Variants in CCDC3 observed in about 807,000 individuals in gnomAD.
CCDC3 encodes the protein coiled-coil domain containing 3.
Under a neutral mutation model 21.4 loss-of-function variants are expected in CCDC3, and 24 were observed. That is an observed-to-expected ratio of 1.12 (90% CI 0.81 to 1.58). CCDC3 has a LOEUF of 1.58. CCDC3 is among the 40% of genes most tolerant of loss of function. The pLI is 0.00. For synonymous variants in CCDC3, 186 were observed against 166.0 expected (o/e 1.12, Z -0.93); for missense variants, 425 against 360.9 (o/e 1.18, Z -1.44).
chr10:13,030,820 T>G (rs1218406892), intron 5 of CCDC3, among the ~76,000 whole-genome samples: 2 of 152,132 alleles, frequency 1.3e-5, no homozygotes, highest in East Asian at 3.8e-4. Context: ...ATGCACCCAA[T>G]ACAGGAGCAC....
chr10:12,974,248 G>T (rs147266097), intron 2 of CCDC3, among the ~76,000 whole-genome samples: 1 of 152,212 alleles, frequency 6.6e-6, no homozygotes, highest in Non-Finnish European at 1.5e-5. Context: ...CCAGATGTGC[G>T]AACTTCCTGC....
At chr10:13,069,295 T>A (rs1325400079) in intron 4 of CCDC3, among the ~76,000 whole-genome samples, 1 of 152,208 alleles carries the variant, frequency 6.6e-6, no homozygotes, top group Non-Finnish European at 1.5e-5. Context: ...AGAAATTCCA[T>A]GTGTGAACAT....
chr10:12,938,553 A>G (rs1275697421), intron 2 of CCDC3, among the ~76,000 whole-genome samples: 1 of 152,204 alleles, frequency 6.6e-6, no homozygotes, highest in Non-Finnish European at 1.5e-5. Flanking sequence ...TGTACTAGCT[A>G]GGAGACCATA....
intron 2 of CCDC3, among the ~76,000 whole-genome samples, chr10:12,994,911 T>C (rs1032330399): frequency 6.6e-6 from 1 of 151,872 alleles, no homozygotes; most frequent in Non-Finnish European, 1.5e-5. Flanking sequence ...TGAAACCCCC[T>C]CTCTACTAAA....
chr10:13,013,871 G>A lies in CCDC3; in HGVS notation c.-1-15359C>T, dbSNP rs530267299. 9.1e-4 allele frequency among the ~76,000 whole-genome samples: 139 copies of A among 152,276 alleles called. 1 individual carries two copies. The highest frequency in any genetic ancestry group is 2.9e-3 in the South Asian group (14 of 4,820). On this transcript the variant is annotated intron_variant, in intron 5 of 6. Transcript: ENST00000378839. ...GAAGGAGATGAAAAAGACATGCATCGCTGGGCATGTGGCTCACACCTGTAA... is the reference window on the plus strand; with the variant it reads ...GAAGGAGATGAAAAAGACATGCATCACTGGGCATGTGGCTCACACCTGTAA...
intron 2 of CCDC3, among the ~76,000 whole-genome samples, chr10:12,947,143 C>T (rs990820689): frequency 6.9e-6 from 1 of 145,566 alleles, no homozygotes; most frequent in African/African-American, 2.5e-5. Flanking sequence ...CTTTTGCTCA[C>T]TTTTTTTTTT....
At chr10:12,947,445 G>T (rs1440793765) in intron 2 of CCDC3, among the ~76,000 whole-genome samples, 1 of 152,162 alleles carries the variant, frequency 6.6e-6, no homozygotes, top group East Asian at 1.9e-4. Context: ...ACCACACCTG[G>T]CCTGTTCACT....
chr10:12,906,597 C>T (rs554760458), intron 2 of CCDC3, among the ~76,000 whole-genome samples: 2 of 152,258 alleles, frequency 1.3e-5, no homozygotes, highest in South Asian at 4.1e-4. Context: ...ACTCCACGTA[C>T]CCAGATACCT....
intron 2 of CCDC3, among the ~76,000 whole-genome samples, chr10:12,983,130 GTATATATATATATATATA>G (rs57120940): frequency 3.4e-5 from 1 of 29,070 alleles, no homozygotes; most frequent in Admixed American, 4.3e-4. Context: ...ATAAAATAGT[GTATATATATATATATATA>G]TATATATATA....
chr10:12,947,922 A>C (rs1298311344), intron 2 of CCDC3, among the ~76,000 whole-genome samples: 1 of 152,210 alleles, frequency 6.6e-6, no homozygotes, highest in Non-Finnish European at 1.5e-5. Flanking sequence ...AGAGGCTCAG[A>C]AGACAGACCC....
At chr10:13,060,922 T>A (rs1836749525) in intron 4 of CCDC3, among the ~76,000 whole-genome samples, 1 of 152,164 alleles carries the variant, frequency 6.6e-6, no homozygotes, top group African/African-American at 2.4e-5. Context: ...AAAATCAGAT[T>A]TTAATGGAGT....
chr10:13,074,841 T>G (rs1836941687), intron 3 of CCDC3, among the ~76,000 whole-genome samples: 1 of 152,216 alleles, frequency 6.6e-6, no homozygotes, highest in Non-Finnish European at 1.5e-5. Flanking sequence ...ACCATTTTAT[T>G]GTCTATTTCT....
intron 2 of CCDC3, among the ~76,000 whole-genome samples, chr10:12,957,708 C>T (rs902288254): frequency 2.6e-5 from 4 of 152,194 alleles, no homozygotes; most frequent in African/African-American, 9.7e-5. Flanking sequence ...TCTGGCCATA[C>T]GATGAGCCTG....
intron 2 of CCDC3, among the ~76,000 whole-genome samples, chr10:12,902,430 A>C (rs921767384): frequency 1.3e-5 from 2 of 152,214 alleles, no homozygotes; most frequent in African/African-American, 4.8e-5. Context: ...AATATGGCCA[A>C]GTACCAGGCT....
intron 3 of CCDC3, among the ~76,000 whole-genome samples, chr10:13,096,977 A>T (rs1832634698): frequency 6.6e-6 from 1 of 152,194 alleles, no homozygotes; most frequent in South Asian, 2.1e-4. Context: ...AAAAGACAAG[A>T]AGAAAGGCTG....
intron 2 of CCDC3, among the ~76,000 whole-genome samples, chr10:12,990,434 G>C (rs546764360): frequency 6.6e-6 from 1 of 152,262 alleles, no homozygotes; most frequent in Non-Finnish European, 1.5e-5. Flanking sequence ...TGAACTATTG[G>C]CTTTCTTCAT....
intron 3 of CCDC3, among the ~76,000 whole-genome samples, chr10:13,090,613 C>A (rs988522349): frequency 1.3e-5 from 2 of 152,182 alleles, no homozygotes; most frequent in African/African-American, 2.4e-5. Context: ...TTACTCAGAA[C>A]TAATCTCCTT....
At chr10:13,033,950 T>C (rs1836340499) in intron 5 of CCDC3, among the ~76,000 whole-genome samples, 1 of 152,202 alleles carries the variant, frequency 6.6e-6, no homozygotes, top group South Asian at 2.1e-4. Context: ...TGCAAAGATC[T>C]AGAACTAGAA....
In CCDC3 at chr10:12,935,705, GC is replaced by G. The variant is rs541876964; in HGVS notation, c.550-37027del. Among the ~76,000 whole-genome samples, 12 of 142,606 alleles carry G rather than the reference GC, an allele frequency of 8.4e-5. No homozygotes were observed. The South Asian group carries it at 2.7e-3, about 32-fold the overall frequency. The allele number at this position is 142,606 out of a possible 152,430, so 93.6% of individuals were successfully genotyped here. On this transcript the variant is annotated intron_variant, in intron 2 of 2. Coordinates refer to ENST00000378825, the MANE Select transcript of CCDC3 (RefSeq NM_031455.4). ...TTTTGAGACGGAGTCTTGCTCTGTTGCCGAGGCTGGAGTGCAGTGGCGTGAT... is the reference window on the plus strand; with the variant it reads ...TTTTGAGACGGAGTCTTGCTCTGTTGCGAGGCTGGAGTGCAGTGGCGTGAT...
Sources: allele counts gnomAD v4.1 joint callset (sites outside exome capture counted in the v4.1 genomes callset), GRCh38; gene constraint gnomAD v4.1.1; transcripts MANE v1.5; gene names NCBI Gene and HGNC (gene_info 2026-07-23, HGNC 2026-07-21).